CCDC138: variants seen among roughly 807,000 people sequenced by gnomAD.
CCDC138 encodes the protein coiled-coil domain containing 138, also known as coiled-coil domain-containing protein 138.
Under a neutral mutation model 82.3 loss-of-function variants are expected in CCDC138, and 66 were observed. The ratio of observed to expected loss-of-function variants is 0.80; its 90% CI spans 0.66 to 0.98. The LOEUF (loss-of-function observed/expected upper bound fraction) is 0.98. Ranked by LOEUF, CCDC138 falls within the 50% of genes least tolerant of loss-of-function variation. The pLI is 0.00. For synonymous variants in CCDC138, 297 were observed against 265.4 expected, an observed-to-expected ratio of 1.12 and a Z score of -1.16; for missense variants, 816 against 758.9, an observed-to-expected ratio of 1.08 and a Z score of -0.88.
intron 5 of CCDC138, among the ~76,000 whole-genome samples, chr2:108,797,687 A>G (rs759789974): frequency 1.3e-5 from 2 of 152,174 alleles, no homozygotes; most frequent in Non-Finnish European, 2.9e-5. Context: ...AGAAGCATGT[A>G]TATATGTATT....
At chr2:108,879,129 T>TTTTA (rs1312118966), downstream of CCDC138, among the ~76,000 whole-genome samples, 4 of 152,188 alleles carry the variant, frequency 2.6e-5, no homozygotes, top group Non-Finnish European at 5.9e-5. Context: ...CGTTGCAGTC[T>TTTTA]TTTATTTATT....
chr2:108,837,072 T>C (rs1424526746), intron 10 of CCDC138, among the ~76,000 whole-genome samples: 1 of 152,212 alleles, frequency 6.6e-6, no homozygotes, highest in Non-Finnish European at 1.5e-5. Context: ...TTTCACTGGC[T>C]GGTACTATAG....
At chr2:108,864,962 AAAAT>A (rs915332056) in intron 13 of CCDC138, among the ~76,000 whole-genome samples, 16 of 152,112 alleles carry the variant, frequency 1.1e-4, no homozygotes, top group African/African-American at 3.1e-4. Context: ...CTGTTTTAAG[AAAAT>A]AAATAAATAG....
At chr2:108,884,128 C>T (rs148386535) in intron 2 of CCDC138, 3 of 152,734 alleles carry the variant, frequency 2.0e-5, no homozygotes, top group Non-Finnish European at 4.4e-5. Context: ...GTCTTGAACT[C>T]CAGGGCTCAA....
rs757116591 is a variant in CCDC138, at chr2:108,788,075, C to T, written c.137C>T (p.Thr46Ile). The change falls in exon 2 of 15, where the codon ACT (threonine) becomes ATT (isoleucine). Residue 46 changes from threonine to isoleucine, a missense_variant. Thr to Ile is a moderately conservative substitution (Grantham distance 89, BLOSUM62 -1). Transcript: ENST00000295124. ...TATCAGTCTAAGTATAAGAGAAGAA[C>T]TCTAACCTCCCCAGGTAAGCCGGTA... The part of the protein sequence containing the change: ...NFYQSKYKRR[T>I]LTSPGDLDIY... 1.9e-6 allele frequency: 3 copies of T among 1,598,026 alleles called. No homozygotes were observed. Among genetic ancestry groups the T allele is most frequent in the African/African-American group, 1.4e-5 (1 of 73,436 alleles).
chr2:108,805,083 A>G, intron 7 of CCDC138, 75 bp downstream of exon 7: 3 of 818,638 alleles, frequency 3.7e-6, no homozygotes, highest in East Asian at 6.7e-5. Flanking sequence ...AATTAAAGTC[A>G]GCCTTAGAAC....
rs59725353 is a variant in CCDC138 at position 108,871,370 on chromosome 2, TAAAAAAA to T, written c.1694-2062_1694-2056del. On this transcript the variant is annotated intron_variant, in intron 13 of 14. Transcript: ENST00000295124. The stretch of plus-strand genomic sequence containing the variant: ...CAACATGATGAAACCCCAACTCTAT[TAAAAAAA>T]AAAAAAAAAAAAAAAAAATAGAAAA... Among the ~76,000 whole-genome samples the T allele has an allele frequency of 5.0e-4, 38 of 76,652 alleles. 1 individual carries two copies. The highest frequency in any genetic ancestry group is 7.8e-3 in the Middle Eastern group (1 of 128). The allele number at this position is 76,652 out of a possible 152,430, so 50.3% of individuals were successfully genotyped here. A position where few individuals can be genotyped will look rare whatever the true frequency, so the allele number is the denominator to read the frequency against.
chr2:108,861,348 A>G (rs559249993), intron 13 of CCDC138, among the ~76,000 whole-genome samples: 119 of 148,834 alleles, frequency 8.0e-4, no homozygotes, highest in African/African-American at 2.8e-3. Flanking sequence ...TGTTTTTATT[A>G]TTTCTTCAGC....
At chr2:108,833,894 ATTTT>A (rs749488565) in intron 10 of CCDC138, among the ~76,000 whole-genome samples, 3 of 79,218 alleles carry the variant, frequency 3.8e-5, no homozygotes, top group African/African-American at 1.5e-4. Flanking sequence ...CGCCCGGCTA[ATTTT>A]TTTTTTTTTT....
At chr2:108,832,864 A>C (rs1687932019) in intron 10 of CCDC138, among the ~76,000 whole-genome samples, 1 of 152,098 alleles carries the variant, frequency 6.6e-6, no homozygotes, top group Non-Finnish European at 1.5e-5. Context: ...AGTGAGCTGG[A>C]AGTGGAGTCA....
At chr2:108,884,049 A>T (rs1696366396) in intron 2 of CCDC138, 1 of 152,266 alleles carries the variant, frequency 6.6e-6, no homozygotes, top group Non-Finnish European at 1.5e-5. Context: ...GACTATAGGC[A>T]TGCGCCACCA....
chr2:108,798,406 A>G (rs779440665), intron 5 of CCDC138, 22 bp from the exon 6 acceptor site: 3 of 1,598,372 alleles, frequency 1.9e-6, no homozygotes, highest in Non-Finnish European at 2.6e-6. Flanking sequence ...CAAGAGCATT[A>G]AAGTCTGGCA....
At chr2:108,806,840 A>G (rs1285743611) in intron 7 of CCDC138, among the ~76,000 whole-genome samples, 2 of 152,224 alleles carry the variant, frequency 1.3e-5, no homozygotes, top group Non-Finnish European at 2.9e-5. Flanking sequence ...AAGTCTAGCC[A>G]AGCTGAGGAG....
Position 108,859,243 on chromosome 2 carries a change from C to T in CCDC138, c.1693+2273C>T, listed in dbSNP as rs887335980. 5.3e-5 allele frequency among the ~76,000 whole-genome samples: 8 copies of T among 152,056 alleles called. No homozygotes were observed. The East Asian group carries it at 5.8e-4, about 11-fold the overall frequency. Reference sequence around the variant, plus strand: ...TTCATGTCCTTTGCCTACTTTTTAACGGGGTTGCTTTTTCTCATTGATTTG... The same window carrying T: ...TTCATGTCCTTTGCCTACTTTTTAATGGGGTTGCTTTTTCTCATTGATTTG... On this transcript the variant is annotated intron_variant, in intron 13 of 14. Coordinates refer to ENST00000295124, the MANE Select transcript of CCDC138 (RefSeq NM_144978.3).
At chr2:108,805,080 G>C in intron 7 of CCDC138, 72 bp downstream of exon 7, 1 of 843,358 alleles carries the variant, frequency 1.2e-6, no homozygotes, top group Non-Finnish European at 1.6e-6. Context: ...ACAAATTAAA[G>C]TCAGCCTTAG....
At chr2:108,834,407 G>A (rs139037265) in intron 10 of CCDC138, among the ~76,000 whole-genome samples, 2 of 151,906 alleles carry the variant, frequency 1.3e-5, no homozygotes, top group East Asian at 3.9e-4. Context: ...ACAGATGGGG[G>A]TTTCACCATG....
chr2:108,787,703 G>T (rs1162090304), intron 1 of CCDC138, among the ~76,000 whole-genome samples: 1 of 151,822 alleles, frequency 6.6e-6, no homozygotes, highest in African/African-American at 2.4e-5. Flanking sequence ...TTTGTTTTCT[G>T]TAAGGTTGTT....
intron 10 of CCDC138, among the ~76,000 whole-genome samples, chr2:108,831,101 G>A (rs1010543215): frequency 3.3e-5 from 5 of 151,978 alleles, no homozygotes; most frequent in Admixed American, 6.5e-5. Flanking sequence ...CTTAAACCCC[G>A]GAGGCAGAAG....
At chr2:108,836,278 C>T (rs1688568881) in intron 10 of CCDC138, among the ~76,000 whole-genome samples, 1 of 152,130 alleles carries the variant, frequency 6.6e-6, no homozygotes, top group Non-Finnish European at 1.5e-5. Flanking sequence ...TTGTGACTGG[C>T]TTATTTCACT....
Sources: allele counts gnomAD v4.1 joint callset (sites outside exome capture counted in the v4.1 genomes callset), GRCh38; gene constraint gnomAD v4.1.1; transcripts MANE v1.5; gene names NCBI Gene and HGNC (gene_info 2026-07-23, HGNC 2026-07-21).